The following KAZN variants were observed in gnomAD, a reference collection of about 807,000 sequenced individuals.
KAZN encodes kazrin, periplakin interacting protein.
In KAZN, 40 loss-of-function variants were observed where a neutral mutation model predicts 87.4. The observed-to-expected ratio is 0.46, with a 90% CI of 0.36 to 0.60. The LOEUF is 0.60. Ranked by LOEUF, KAZN falls within the 20% of genes least tolerant of loss-of-function variation. The probability of loss-of-function intolerance (pLI) is 0.00; values close to 1 mark genes in which losing one functional copy is unlikely to be tolerated. For synonymous variants in KAZN, 466 were observed against 458.3 expected, an observed-to-expected ratio of 1.02 and a Z score of -0.22; for missense variants, 898 against 1,073.9, an observed-to-expected ratio of 0.84 and a Z score of 2.29.
intron 1 of KAZN, among the ~76,000 whole-genome samples, chr1:14,909,162 G>GTTGCAGTGATAAAA (rs1656953738): frequency 6.6e-6 from 1 of 152,208 alleles, no homozygotes; most frequent in African/African-American, 2.4e-5. Flanking sequence ...CTTTCGTAGA[G>GTTGCAGTGATAAAA]TTGCAGTGAT....
intron 1 of KAZN, among the ~76,000 whole-genome samples, chr1:13,979,930 CAAAAAAA>C (rs142839854): frequency 1.7e-4 from 17 of 100,496 alleles, no homozygotes; most frequent in African/African-American, 5.9e-4. Flanking sequence ...GACTCCGTCT[CAAAAAAA>C]AAAAAAAAAA....
At chr1:14,138,321 C>CA (rs1645154903) in intron 1 of KAZN, among the ~76,000 whole-genome samples, 1 of 152,124 alleles carries the variant, frequency 6.6e-6, no homozygotes, top group African/African-American at 2.4e-5. Context: ...CTGGTAGCCA[C>CA]AGGGCTTAAG....
At chr1:13,994,047 T>C (rs1466792379) in intron 1 of KAZN, among the ~76,000 whole-genome samples, 3 of 152,252 alleles carry the variant, frequency 2.0e-5, no homozygotes, top group African/African-American at 7.2e-5. Context: ...CGTTCCACTG[T>C]TGAAGAGAAC....
intron 1 of KAZN, among the ~76,000 whole-genome samples, chr1:13,912,595 A>G (rs916469861): frequency 6.6e-6 from 1 of 150,978 alleles, no homozygotes. Flanking sequence ...TAAAAATGAA[A>G]TCCTACCTAA....
At chr1:14,977,482 C>G (rs1051191878) in intron 2 of KAZN, among the ~76,000 whole-genome samples, 2 of 152,152 alleles carry the variant, frequency 1.3e-5, no homozygotes, top group Non-Finnish European at 1.5e-5. Flanking sequence ...TGGGCACTGA[C>G]CTGTGTCTCC....
intron 1 of KAZN, among the ~76,000 whole-genome samples, chr1:14,920,052 C>T (rs952514603): frequency 6.6e-6 from 1 of 152,006 alleles, no homozygotes; most frequent in African/African-American, 2.4e-5. Flanking sequence ...AAAATCATAG[C>T]CAAATTGGGG....
intron 2 of KAZN, among the ~76,000 whole-genome samples, chr1:14,574,046 G>C (rs11808907): frequency 4.6e-5 from 7 of 151,954 alleles, no homozygotes; most frequent in African/African-American, 1.7e-4. Context: ...ATGACATAAC[G>C]TTTCCAATGA....
intron 1 of KAZN, among the ~76,000 whole-genome samples, chr1:14,684,430 A>T (rs907490833): frequency 2.6e-5 from 4 of 152,110 alleles, no homozygotes; most frequent in Non-Finnish European, 5.9e-5. Context: ...TACATGATGC[A>T]AGGGTTGGTT....
intron 1 of KAZN, among the ~76,000 whole-genome samples, chr1:14,126,416 A>G (rs558138852): frequency 1.1e-4 from 16 of 147,890 alleles, no homozygotes; most frequent in Admixed American, 1.0e-3. Flanking sequence ...ACGGAAGTGT[A>G]AAAGGAGAAA....
At chr1:14,684,141 A>T (rs1036188422) in intron 1 of KAZN, among the ~76,000 whole-genome samples, 2 of 152,148 alleles carry the variant, frequency 1.3e-5, no homozygotes, top group African/African-American at 4.8e-5. Flanking sequence ...GTCTCTTATC[A>T]TCTTCACAAG....
At chr1:15,109,667 A>T (rs985805075) in intron 13 of KAZN, among the ~76,000 whole-genome samples, 3 of 150,800 alleles carry the variant, frequency 2.0e-5, no homozygotes, top group Non-Finnish European at 4.4e-5. Context: ...GTATGTGTTT[A>T]TATGTGTGTA....
At chr1:14,845,289 G>T (rs965123123) in intron 1 of KAZN, among the ~76,000 whole-genome samples, 1 of 150,764 alleles carries the variant, frequency 6.6e-6, no homozygotes, top group African/African-American at 2.4e-5. Flanking sequence ...GTGAGTGGGG[G>T]TGGATGGATA....
intron 1 of KAZN, among the ~76,000 whole-genome samples, chr1:14,917,438 T>C (rs114372066): frequency 0.012 from 1,868 of 152,218 alleles, 36 homozygotes; most frequent in African/African-American, 0.043. Flanking sequence ...ACAGTCTCCA[T>C]AGAGATAGCA....
At chr1:14,283,603 A>G (rs986109726) in intron 2 of KAZN, among the ~76,000 whole-genome samples, 3 of 152,208 alleles carry the variant, frequency 2.0e-5, no homozygotes, top group South Asian at 2.1e-4. Flanking sequence ...AGTGTTGAAG[A>G]TGTGGAAAAA....
At chr1:14,471,686 A>C (rs1441004087) in intron 2 of KAZN, among the ~76,000 whole-genome samples, 1 of 152,196 alleles carries the variant, frequency 6.6e-6, no homozygotes, top group Admixed American at 6.5e-5. Flanking sequence ...ACTCAGCCAC[A>C]CTGGAAAAGC....
At chr1:14,215,420 G>T (rs1171431188) in intron 2 of KAZN, among the ~76,000 whole-genome samples, 1 of 152,172 alleles carries the variant, frequency 6.6e-6, no homozygotes, top group Non-Finnish European at 1.5e-5. Flanking sequence ...AGGGCCTGCT[G>T]CTCTAGACCT....
intron 1 of KAZN, among the ~76,000 whole-genome samples, chr1:14,804,191 C>G (rs1646130973): frequency 6.6e-6 from 1 of 152,294 alleles, no homozygotes; most frequent in East Asian, 1.9e-4. Context: ...TTCTGTTGGG[C>G]AGGGGTCTTT....
chr1:14,984,285 G>A (rs1666552009), intron 2 of KAZN, among the ~76,000 whole-genome samples: 1 of 151,914 alleles, frequency 6.6e-6, no homozygotes, highest in South Asian at 2.1e-4. Context: ...GCTGAGGAAT[G>A]AGAATCACTT....
intron 1 of KAZN, among the ~76,000 whole-genome samples, chr1:14,783,821 G>C (rs1645424735): frequency 6.6e-6 from 1 of 152,168 alleles, no homozygotes; most frequent in Non-Finnish European, 1.5e-5. Context: ...GCCTGGCAGG[G>C]GTTGTGATGG....
Sources: gnomAD v4.1 joint callset for allele counts (sites outside exome capture counted in the v4.1 genomes callset) on GRCh38, gnomAD v4.1.1 for gene constraint, MANE v1.5 for transcripts, NCBI Gene and HGNC (gene_info 2026-07-23, HGNC 2026-07-21) for gene names.